Variants in SULT2A1 observed in about 807,000 individuals in gnomAD.
SULT2A1 encodes sulfotransferase family 2A member 1.
SULT2A1 carries 43 observed loss-of-function variants against 33.9 expected under a neutral mutation model. That is an observed-to-expected ratio of 1.27 (90% CI 1.00 to 1.64). SULT2A1 has a LOEUF of 1.64. Among genes scored for constraint, SULT2A1 ranks in the 40% most tolerant of loss-of-function variants. The pLI is 0.00. For missense variants in SULT2A1, 300 were observed against 335.1 expected (o/e 0.90, Z 0.82); for synonymous variants, 125 against 113.6 (o/e 1.10, Z -0.64).
chr19:47,885,222 C>T (rs576062974), intron 1 of SULT2A1, among the ~76,000 whole-genome samples: 1 of 152,308 alleles, frequency 6.6e-6, no homozygotes, highest in South Asian at 2.1e-4. Flanking sequence ...AAACTCTATG[C>T]AGAGCCAGCA....
At chr19:47,884,476 C>CT (rs71181610) in intron 1 of SULT2A1, among the ~76,000 whole-genome samples, 21 of 118,970 alleles carry the variant, frequency 1.8e-4, no homozygotes, top group African/African-American at 6.0e-4. Context: ...CTGCGCCTGG[C>CT]TTTTTTTTTT....
chr19:47,886,068 A>G, intron 1 of SULT2A1, 54 bp downstream of exon 1: 1 of 1,595,688 alleles, frequency 6.3e-7, no homozygotes. Context: ...TCATGCACTG[A>G]ATGGACAGGA....
intron 1 of SULT2A1, among the ~76,000 whole-genome samples, chr19:47,885,047 G>A (rs1968642692): frequency 6.6e-6 from 1 of 152,104 alleles, no homozygotes; most frequent in Admixed American, 6.6e-5. Context: ...CTGACCTCAG[G>A]CAATCCACCT....
At chr19:47,873,921 C>A (rs944024331) in intron 5 of SULT2A1, among the ~76,000 whole-genome samples, 2 of 151,688 alleles carry the variant, frequency 1.3e-5, no homozygotes, top group African/African-American at 2.4e-5. Context: ...CCGCACCCGG[C>A]CCATCCAGGA....
chr19:47,882,018 AGGCTGG>A, intron 3 of SULT2A1, 60 bp downstream of exon 3: 1 of 1,593,082 alleles, frequency 6.3e-7, no homozygotes, highest in East Asian at 2.2e-5. Context: ...TAGAGATGTG[AGGCTGG>A]GTGTCAAAAG....
Position 47,871,505 on chromosome 19 carries a change from A to G in SULT2A1, c.808T>C (p.Phe270Leu). ...VAQAEDFDKL[F>L]QEKMADLPRE... The stretch of plus-strand genomic sequence containing the variant: ...GGAAGATCTGCCATCTTCTCTTGGA[A>G]CAATTTATCAAAGTCTTCAGCTTGG... Residue 270 changes from phenylalanine to leucine, a missense_variant, in exon 6 of 6, where the codon TTC becomes CTC. Coordinates refer to ENST00000222002, the MANE Select transcript of SULT2A1 (RefSeq NM_003167.4). 1 of 1,614,066 alleles carries G rather than the reference A, an allele frequency of 6.2e-7. No homozygotes were observed. The highest frequency in any genetic ancestry group is 8.5e-7 in the Non-Finnish European group (1 of 1,180,022).
chr19:47,877,552 CTTTT>C (rs565116311), intron 4 of SULT2A1, among the ~76,000 whole-genome samples: 3 of 137,472 alleles, frequency 2.2e-5, no homozygotes, highest in Non-Finnish European at 1.6e-5. Flanking sequence ...CTTTTTCTTT[CTTTT>C]TTTTTTTTTT....
chr19:47,884,495 T>C (rs1324939211), intron 1 of SULT2A1, among the ~76,000 whole-genome samples: 1 of 77,586 alleles, frequency 1.3e-5, no homozygotes, highest in Non-Finnish European at 2.6e-5. Flanking sequence ...TTTTTTTTTT[T>C]AGCGATGAGG....
intron 5 of SULT2A1, among the ~76,000 whole-genome samples, chr19:47,872,115 G>T (rs552791883): frequency 2.6e-5 from 4 of 151,988 alleles, no homozygotes; most frequent in Admixed American, 6.6e-5. Context: ...ATGGGGTTTT[G>T]CCATGTTGGC....
At chr19:47,880,221 A>G (rs1390260612) in intron 3 of SULT2A1, among the ~76,000 whole-genome samples, 2 of 131,888 alleles carry the variant, frequency 1.5e-5, no homozygotes, top group African/African-American at 5.9e-5. Flanking sequence ...TAGGTGACAG[A>G]GCAAGACTCT....
intron 1 of SULT2A1, among the ~76,000 whole-genome samples, chr19:47,884,227 A>G (rs924847021): frequency 6.6e-6 from 1 of 151,146 alleles, no homozygotes; most frequent in Non-Finnish European, 1.5e-5. Context: ...GCTGGAGTGC[A>G]ATGGCACGAT....
At chr19:47,877,478 G>A (rs1968557890) in intron 4 of SULT2A1, among the ~76,000 whole-genome samples, 1 of 151,510 alleles carries the variant, frequency 6.6e-6, no homozygotes, top group Admixed American at 6.6e-5. Context: ...GACCTCAAGT[G>A]ATCCCCCTAC....
At chr19:47,884,397 CT>C (rs533164682) in intron 1 of SULT2A1, among the ~76,000 whole-genome samples, 82 of 150,580 alleles carry the variant, frequency 5.4e-4, no homozygotes, top group African/African-American at 1.9e-3. Context: ...CCAGGATGGT[CT>C]CGATCTCCTG....
At chr19:47,878,279 T>C (rs1440786040) in intron 4 of SULT2A1, among the ~76,000 whole-genome samples, 3 of 151,990 alleles carry the variant, frequency 2.0e-5, no homozygotes, top group African/African-American at 7.3e-5. Flanking sequence ...TGGGCTCAAG[T>C]AATTCCCCTG....
At chr19:47,881,258 A>G (rs1968600695) in intron 3 of SULT2A1, among the ~76,000 whole-genome samples, 1 of 151,834 alleles carries the variant, frequency 6.6e-6, no homozygotes, top group South Asian at 2.1e-4. Context: ...CTGGTCTCGA[A>G]CTCCTGACCC....
At chr19:47,872,808 G>A (rs560531781) in intron 5 of SULT2A1, among the ~76,000 whole-genome samples, 10 of 150,846 alleles carry the variant, frequency 6.6e-5, no homozygotes. Flanking sequence ...TCCCAGGCAG[G>A]AGTACAGTGT....
intron 3 of SULT2A1, among the ~76,000 whole-genome samples, chr19:47,880,956 A>G (rs565792977): frequency 6.6e-6 from 1 of 152,238 alleles, no homozygotes; most frequent in Admixed American, 6.5e-5. Flanking sequence ...GGAAAAGAGA[A>G]TGCTTATGAA....
At position 47,883,786 on chromosome 19, in the gene SULT2A1, C is replaced by A; in HGVS notation, c.137-1G>T. 1 of 1,613,676 alleles carries A rather than the reference C, an allele frequency of 6.2e-7. No individual in the cohort carries two copies. The highest frequency in any genetic ancestry group is 8.5e-7 in the Non-Finnish European group (1 of 1,179,814). ...AGAATCTCAGCCAACCAGTTTGTTC[C>A]TGGAAAAAGAAGGAAAAAAATATAT... On this transcript the variant is annotated splice_acceptor_variant, in intron 1 of 5. Coordinates refer to ENST00000222002, the MANE Select transcript of SULT2A1 (RefSeq NM_003167.4). LOFTEE classifies it high-confidence loss of function.
rs2122138279 is a variant in SULT2A1, at chr19:47,871,575, C to T, written c.746-8G>A. 6.3e-7 allele frequency: 1 copy of T among 1,598,384 alleles called. No individual in the cohort carries two copies. The highest frequency in any genetic ancestry group is 2.2e-5 in the East Asian group (1 of 44,790). ...TCCAGTCCCCAGATACACCTGGAAA[C>T]AAGAAGCAGAAACTCAGGTCAGACC... On this transcript the variant is annotated splice_polypyrimidine_tract_variant and splice_region_variant and intron_variant, in intron 5 of 5. Transcript: ENST00000222002.
Sources: gnomAD v4.1 joint callset for allele counts (sites outside exome capture counted in the v4.1 genomes callset) on GRCh38, gnomAD v4.1.1 for gene constraint, MANE v1.5 for transcripts, NCBI Gene and HGNC (gene_info 2026-07-23, HGNC 2026-07-21) for gene names.